The following GTF2IRD2 variants were observed in gnomAD, a reference collection of about 807,000 sequenced individuals.
The protein encoded by GTF2IRD2 is GTF2I repeat domain containing 2, also known as general transcription factor II-I repeat domain-containing protein 2A.
In GTF2IRD2, 8 loss-of-function variants were observed where a neutral mutation model predicts 49.2. That is an observed-to-expected ratio of 0.16 (90% CI 0.10 to 0.29). The LOEUF (loss-of-function observed/expected upper bound fraction) is 0.29. Ranked by LOEUF, GTF2IRD2 falls within the 10% of genes least tolerant of loss-of-function variation. The pLI is 1.00. For missense variants in GTF2IRD2, 130 were observed against 725.7 expected (o/e 0.18, Z 9.43); for synonymous variants, 47 against 289.7 (o/e 0.16, Z 8.51).
chr7:74,798,988 CTTTCT>C (rs1554416689), intron 15 of GTF2IRD2: 1 of 150,796 alleles, frequency 6.6e-6, no homozygotes, highest in African/African-American at 2.5e-5. Flanking sequence ...TTCTTTCTTT[CTTTCT>C]TTTCTTTTTT....
At chr7:74,818,697 G>A (rs1798659992) in intron 8 of GTF2IRD2, 1 of 148,294 alleles carries the variant, frequency 6.7e-6, no homozygotes, top group East Asian at 2.0e-4. Context: ...CAATTTGCCT[G>A]CCTCGGCCTC....
chr7:74,842,686 G>A (rs1800951380), intron 1 of GTF2IRD2, among the ~76,000 whole-genome samples: 1 of 145,128 alleles, frequency 6.9e-6, no homozygotes, highest in Non-Finnish European at 1.5e-5. Flanking sequence ...AGCCTCCAGA[G>A]TAGCTAAGAT....
At chr7:74,836,188 A>T (rs1296841037) in intron 2 of GTF2IRD2, 92 bp downstream of exon 2, 71 of 1,515,450 alleles carry the variant, frequency 4.7e-5, no homozygotes, top group Middle Eastern at 1.8e-4. Context: ...AGAAAAGAAA[A>T]AAAACAAAAG....
intron 1 of GTF2IRD2, among the ~76,000 whole-genome samples, chr7:74,844,360 T>TTTTA (rs1194941580): frequency 0.077 from 1,005 of 13,072 alleles, 48 homozygotes; most frequent in African/African-American, 0.14. Flanking sequence ...ATTATGTTTT[T>TTTTA]TTTATTTATT....
rs1273607808 is a variant in GTF2IRD2, at chr7:74,796,522, A to C, written c.*140T>G. 3.3e-6 allele frequency: 2 copies of C among 604,524 alleles called. No homozygotes were observed. Among genetic ancestry groups the C allele is most frequent in the African/African-American group, 3.8e-5 (2 of 53,304 alleles). The allele number at this position is 604,524 out of a possible 1,614,324, so 37.4% of individuals were successfully genotyped here. A position where few individuals can be genotyped will look rare whatever the true frequency, so the allele number is the denominator to read the frequency against. On this transcript the variant is annotated 3_prime_UTR_variant, in exon 16 of 16. Coordinates refer to ENST00000451013, the MANE Select transcript of GTF2IRD2 (RefSeq NM_173537.5). ...AGTTGCAGTAAGCCGAGATCACGCC[A>C]CTGCACTCCAACCTGGGCGACAGAG... is the stretch of plus-strand genomic sequence containing the variant.
intron 11 of GTF2IRD2, among the ~76,000 whole-genome samples, chr7:74,807,346 C>T (rs1415910736): frequency 4.5e-5 from 4 of 89,752 alleles, no homozygotes; most frequent in Middle Eastern, 4.6e-3. Context: ...GGTGCGATCT[C>T]GGCTCACTGC....
chr7:74,836,646 A>C (rs1800364827), intron 1 of GTF2IRD2, among the ~76,000 whole-genome samples: 1 of 152,176 alleles, frequency 6.6e-6, no homozygotes, highest in African/African-American at 2.4e-5. Context: ...GCTTACTGTA[A>C]CCTCTGCCCC....
chr7:74,841,772 G>A (rs1800850380), intron 1 of GTF2IRD2, among the ~76,000 whole-genome samples: 1 of 143,082 alleles, frequency 7.0e-6, no homozygotes, highest in Non-Finnish European at 1.5e-5. Flanking sequence ...ATAGATTAGT[G>A]GTTATTTCAG....
At chr7:74,841,055 G>A (rs1409466852) in intron 1 of GTF2IRD2, among the ~76,000 whole-genome samples, 1 of 131,746 alleles carries the variant, frequency 7.6e-6, no homozygotes, top group Non-Finnish European at 1.6e-5. Context: ...CACCATGTTG[G>A]CCAGGCCGGT....
At chr7:74,798,522 T>C (rs1408912690) in intron 15 of GTF2IRD2, among the ~76,000 whole-genome samples, 14 of 151,694 alleles carry the variant, frequency 9.2e-5, no homozygotes, top group Non-Finnish European at 1.9e-4. Context: ...GTTGTCGTTG[T>C]TGTTGAGACG....
chr7:74,818,903 T>C (rs1195952085), intron 8 of GTF2IRD2: 3 of 151,416 alleles, frequency 2.0e-5, no homozygotes, highest in African/African-American at 7.4e-5. Flanking sequence ...GGTTCTTTTT[T>C]TTTGTTTTTT....
intron 3 of GTF2IRD2, among the ~76,000 whole-genome samples, chr7:74,830,633 C>G (rs1178390558): frequency 6.9e-6 from 1 of 144,100 alleles, no homozygotes; most frequent in Non-Finnish European, 1.5e-5. Context: ...AAACCAAATA[C>G]CACATGTTCT....
Position 74,797,005 on chromosome 7 carries a change from CT to C in GTF2IRD2, c.2506del (p.Arg836GlyfsTer12). 1 of 535,176 alleles carries C rather than the reference CT, an allele frequency of 1.9e-6. No individual in the cohort carries two copies. Among genetic ancestry groups the C allele is most frequent in the Non-Finnish European group, 3.1e-6 (1 of 321,950 alleles). The allele number at this position is 535,176 out of a possible 1,614,324, so 33.2% of individuals were successfully genotyped here. On this transcript the variant is annotated frameshift_variant, in exon 16 of 16. Transcript: ENST00000451013. LOFTEE classifies it high-confidence loss of function. ...IAELQTEFQK[R>X]LSDFKLYESE... ...TTCGTAGAGTTTGAAATCAGACAGC[CT>C]TTTCTGGAATTCGGTCTGGAGTTCC...
intron 4 of GTF2IRD2, among the ~76,000 whole-genome samples, chr7:74,824,258 C>G: frequency 3.4e-5 from 3 of 87,402 alleles, no homozygotes; most frequent in African/African-American, 1.6e-4. Flanking sequence ...CACCTGAGGT[C>G]AGGAGTTCGA....
chr7:74,813,745 C>T (rs1554417910), intron 8 of GTF2IRD2, among the ~76,000 whole-genome samples: 3 of 134,206 alleles, frequency 2.2e-5, no homozygotes, highest in Non-Finnish European at 4.9e-5. Flanking sequence ...TCAGTAAAGA[C>T]GGGGTTTCAC....
chr7:74,796,401 C>T lies in GTF2IRD2; in HGVS notation c.*261G>A. ...CCAACATGGTGAAACCTCATCTCTA[C>T]TAATACAAAAATTAGCCAGGCATGG... On this transcript the variant is annotated 3_prime_UTR_variant, in exon 16 of 16. Transcript: ENST00000451013. 2.2e-6 allele frequency: 1 copy of T among 445,814 alleles called. No homozygotes were observed. The highest frequency in any genetic ancestry group is 4.7e-5 in the East Asian group (1 of 21,304). 27.6% of individuals were successfully genotyped at this position (445,814 alleles called of 1,614,324 possible). A position where few individuals can be genotyped will look rare whatever the true frequency, so the allele number is the denominator to read the frequency against.
chr7:74,800,161 G>A (rs1257134670), intron 15 of GTF2IRD2, among the ~76,000 whole-genome samples: 39 of 133,876 alleles, frequency 2.9e-4, no homozygotes, highest in African/African-American at 9.9e-4. Context: ...AATCAGATGC[G>A]TTTGGGAATA....
At chr7:74,829,890 A>AAAAACAACAAC (rs1167564000) in intron 3 of GTF2IRD2, among the ~76,000 whole-genome samples, 2 of 82,650 alleles carry the variant, frequency 2.4e-5, no homozygotes, top group African/African-American at 7.0e-5. Context: ...TCTGTCTCAA[A>AAAAACAACAAC]AAAAAAAAAA....
At chr7:74,829,894 A>ACAAAACAAAAAAC (rs1488631016) in intron 3 of GTF2IRD2, among the ~76,000 whole-genome samples, 1 of 144,738 alleles carries the variant, frequency 6.9e-6, no homozygotes, top group African/African-American at 2.7e-5. Flanking sequence ...TCTCAAAAAA[A>ACAAAACAAAAAAC]AAAAAAAATT....
Sources: allele counts gnomAD v4.1 joint callset (sites outside exome capture counted in the v4.1 genomes callset), GRCh38; gene constraint gnomAD v4.1.1; transcripts MANE v1.5; gene names NCBI Gene and HGNC (gene_info 2026-07-23, HGNC 2026-07-21).